ZNF362: variants seen among roughly 807,000 people sequenced by gnomAD.
The protein encoded by ZNF362 is zinc finger protein 362, also known as rotund homolog.
A neutral mutation model predicts 42.9 loss-of-function variants in ZNF362; 11 were observed. The observed-to-expected ratio is 0.26, with a 90% CI of 0.16 to 0.42. ZNF362 has a LOEUF of 0.42. Among genes scored for constraint, ZNF362 ranks in the 20% least tolerant of loss-of-function variants. The pLI, the probability that ZNF362 is intolerant of heterozygous loss-of-function variation, is 1.00. For missense variants in ZNF362, 362 were observed against 576.2 expected (o/e 0.63, Z 3.81); for synonymous variants, 255 against 257.3 (o/e 0.99, Z 0.09).
intron 4 of ZNF362, among the ~76,000 whole-genome samples, 157 bp from the exon 5 acceptor site, chr1:33,279,967 A>C (rs1167103754): frequency 1.3e-5 from 2 of 152,344 alleles, no homozygotes; most frequent in South Asian, 4.1e-4. Context: ...TGTCTAAGGC[A>C]TCTTACACAT....
intron 1 of ZNF362, among the ~76,000 whole-genome samples, chr1:33,267,232 A>T (rs147476466): frequency 6.6e-6 from 1 of 152,298 alleles, no homozygotes; most frequent in Admixed American, 6.5e-5. Context: ...AAAGTCACAT[A>T]AGAATACTCT....
chr1:33,276,219 C>A (rs1167344892), intron 3 of ZNF362, 56 bp downstream of exon 3: 2 of 1,605,888 alleles, frequency 1.2e-6, no homozygotes, highest in Non-Finnish European at 1.7e-6. Context: ...TGCTTCGCTT[C>A]CCCTGGGTTT....
At chr1:33,165,645 T>A in the ZNF362 span, 1 of 1,291,566 alleles carries the variant, frequency 7.7e-7, no homozygotes, top group Non-Finnish European at 1.0e-6. This position sits in a 1 kb window ranked among gnomAD's most constrained non-coding sequence, Gnocchi z 4.0. Context: ...TGCCAGGCGC[T>A]GGGGGTTAGC....
the ZNF362 span, among the ~76,000 whole-genome samples, chr1:33,144,429 C>T: frequency 8.0e-4 from 122 of 152,324 alleles, 1 homozygote; most frequent in South Asian, 2.1e-3. Context: ...TGAGCCACTG[C>T]GCCCGGTGGC....
the ZNF362 span, among the ~76,000 whole-genome samples, chr1:33,214,768 G>A: frequency 6.6e-6 from 1 of 152,150 alleles, no homozygotes; most frequent in Non-Finnish European, 1.5e-5. Context: ...TTAATCATCA[G>A]AGAAATGCAA....
chr1:33,189,709 G>GTATATAGATATATATA, the ZNF362 span, among the ~76,000 whole-genome samples: 1 of 12,452 alleles, frequency 8.0e-5, no homozygotes. Flanking sequence ...ACATATATAC[G>GTATATAGATATATATA]TATATATATA....
At position 33,280,540 on chromosome 1, in the gene ZNF362, G is replaced by C. The variant is rs1645985671; in HGVS notation, c.683+83G>C. 1.4e-6 allele frequency: 2 copies of C among 1,468,500 alleles called. No individual in the cohort carries two copies. Among genetic ancestry groups the C allele is most frequent in the Non-Finnish European group, 1.8e-6 (2 of 1,104,854 alleles). The allele number at this position is 1,468,500 out of a possible 1,614,324, so 91.0% of individuals were successfully genotyped here. ...GCTGCTCCAGGAGCCCAGCAGCGGG[G>C]CTGAAACAGGACCCTTAGGGCTGAG... On this transcript the variant is annotated intron_variant, in intron 5 of 8. Coordinates refer to ENST00000539719, the MANE Select transcript of ZNF362 (RefSeq NM_152493.3). The surrounding 1 kb of genome is among the most constrained non-coding windows in gnomAD (Gnocchi z 5.6).
chr1:33,207,869 G>A, the ZNF362 span, among the ~76,000 whole-genome samples: 3 of 151,742 alleles, frequency 2.0e-5, no homozygotes, highest in African/African-American at 7.3e-5. Flanking sequence ...TGGATAGATT[G>A]CAAAAATTTT....
rs1414216009 is a variant in ZNF362 at position 33,280,173 on chromosome 1, C to A, written c.399C>A (p.Ser133Arg). Residue 133 changes from serine to arginine, a missense_variant, in exon 5 of 9, where the codon AGC (serine) becomes AGA (arginine). Coordinates refer to ENST00000539719, the MANE Select transcript of ZNF362 (RefSeq NM_152493.3). This position sits in a 1 kb window ranked among gnomAD's most constrained non-coding sequence, Gnocchi z 5.6. ...CGTCTGTGAGCACTTCTGAGTCAAG[C>A]GCGGGCGCGGGCACGGGCACGGGTA... is the stretch of plus-strand genomic sequence containing the variant. ...RTPSVSTSESSAGAGTGTGTS... is the reference protein window; with the variant it reads ...RTPSVSTSESRAGAGTGTGTS... 1 of 1,609,492 alleles carries A rather than the reference C, an allele frequency of 6.2e-7. No homozygotes were observed. The highest frequency in any genetic ancestry group is 1.7e-4 in the Middle Eastern group (1 of 6,026).
At chr1:33,186,618 C>A in the ZNF362 span, among the ~76,000 whole-genome samples, 1 of 147,744 alleles carries the variant, frequency 6.8e-6, no homozygotes, top group Admixed American at 6.9e-5. Context: ...CCAGCCTGGC[C>A]AACATGGTGA....
chr1:33,217,478 G>T, the ZNF362 span, among the ~76,000 whole-genome samples: 5,596 of 152,252 alleles, frequency 0.037, 152 homozygotes, highest in African/African-American at 0.075. Flanking sequence ...GTCAGATGCA[G>T]CTCCAGATCT....
chr1:33,273,782 A>C (rs554538273), intron 2 of ZNF362, among the ~76,000 whole-genome samples: 2 of 152,304 alleles, frequency 1.3e-5, no homozygotes, highest in Admixed American at 1.3e-4. Flanking sequence ...CATCCTCCTG[A>C]GGTTCTGATG....
chr1:33,134,036 G>A, the ZNF362 span, among the ~76,000 whole-genome samples: 7 of 152,188 alleles, frequency 4.6e-5, no homozygotes, highest in South Asian at 2.1e-4. Flanking sequence ...AGGCTAAAAC[G>A]TTTATAAGGG....
the ZNF362 span, among the ~76,000 whole-genome samples, chr1:33,137,075 C>A: frequency 6.6e-6 from 1 of 151,886 alleles, no homozygotes; most frequent in Non-Finnish European, 1.5e-5. Context: ...AGACACAGAG[C>A]CTGGGTTCAC....
chr1:33,279,265 T>TA (rs1645973192), intron 4 of ZNF362, among the ~76,000 whole-genome samples: 1 of 152,154 alleles, frequency 6.6e-6, no homozygotes, highest in Non-Finnish European at 1.5e-5. Context: ...GCTCAAGTGA[T>TA]ACTCCTACCT....
upstream of ZNF362, among the ~76,000 whole-genome samples, chr1:33,254,339 G>C (rs545447796): frequency 2.6e-5 from 4 of 152,242 alleles, no homozygotes; most frequent in African/African-American, 9.6e-5. Flanking sequence ...GGTCAGGCTG[G>C]TCTTAAAGTC....
At chr1:33,157,277 C>G in the ZNF362 span, among the ~76,000 whole-genome samples, 179 of 152,242 alleles carry the variant, frequency 1.2e-3, 2 homozygotes, top group African/African-American at 4.1e-3. Flanking sequence ...CTCTTCCTGC[C>G]TGGGAAACAG....
the ZNF362 span, chr1:33,181,338 C>T: frequency 6.3e-7 from 1 of 1,581,744 alleles, no homozygotes; most frequent in East Asian, 2.3e-5. This position sits in a 1 kb window ranked among gnomAD's most constrained non-coding sequence, Gnocchi z 6.5. Flanking sequence ...GATGCAGCGG[C>T]GGCAGAAGTA....
At chr1:33,223,521 A>T in the ZNF362 span, among the ~76,000 whole-genome samples, 1 of 152,220 alleles carries the variant, frequency 6.6e-6, no homozygotes, top group African/African-American at 2.4e-5. Context: ...TCTCTGTTCT[A>T]TTACCATTTA....
Sources: allele counts gnomAD v4.1 joint callset (sites outside exome capture counted in the v4.1 genomes callset), GRCh38; gene constraint gnomAD v4.1.1; non-coding constraint Gnocchi (gnomAD v3.1); transcripts MANE v1.5; gene names NCBI Gene and HGNC (gene_info 2026-07-23, HGNC 2026-07-21).